The following REV1 variants were observed in gnomAD, a reference collection of about 807,000 sequenced individuals.
The protein encoded by REV1 is translesion synthesis protein REV1.
Under a neutral mutation model 137.4 loss-of-function variants are expected in REV1, and 42 were observed. That is an observed-to-expected ratio of 0.31 (90% CI 0.24 to 0.40). The LOEUF (loss-of-function observed/expected upper bound fraction) is 0.40, where lower values mean the gene tolerates loss of function less well. Among genes scored for constraint, REV1 ranks in the 10% least tolerant of loss-of-function variants. The probability of loss-of-function intolerance (pLI) is 1.00; values close to 1 mark genes in which losing one functional copy is unlikely to be tolerated. For synonymous variants in REV1, 524 were observed against 519.2 expected (o/e 1.01, Z -0.12); for missense variants, 1,282 against 1,490.1 (o/e 0.86, Z 2.30).
chr2:99,421,929 A>C (rs1261459485), intron 10 of REV1, among the ~76,000 whole-genome samples: 3 of 152,240 alleles, frequency 2.0e-5, no homozygotes, highest in Non-Finnish European at 2.9e-5. Context: ...ACACAAAAAA[A>C]CAAAAACACA....
intron 1 of REV1, among the ~76,000 whole-genome samples, chr2:99,479,948 T>C (rs1207848816): frequency 6.6e-6 from 1 of 151,878 alleles, no homozygotes; most frequent in Non-Finnish European, 1.5e-5. Context: ...TTTTACAGGA[T>C]AGAAGGTAGG....
chr2:99,474,331 A>G (rs1317331899), intron 1 of REV1, among the ~76,000 whole-genome samples: 3 of 152,226 alleles, frequency 2.0e-5, no homozygotes, highest in Non-Finnish European at 4.4e-5. Context: ...GTAAGGCTGC[A>G]CTGCTGGCTT....
intron 4 of REV1, among the ~76,000 whole-genome samples, chr2:99,444,379 G>C (rs1681919762): frequency 1.3e-5 from 2 of 152,176 alleles, no homozygotes; most frequent in Admixed American, 1.3e-4. Flanking sequence ...AACGCCCTAT[G>C]ATCATTCTCG....
intron 3 of REV1, 89 bp downstream of exon 3, chr2:99,462,407 A>T: frequency 8.2e-7 from 1 of 1,220,900 alleles, no homozygotes; most frequent in Non-Finnish European, 1.2e-6. Flanking sequence ...TGTCTATAAT[A>T]AATGAGTAAA....
chr2:99,417,203 G>A (rs890864837), intron 12 of REV1, among the ~76,000 whole-genome samples: 4 of 151,910 alleles, frequency 2.6e-5, no homozygotes, highest in Admixed American at 6.6e-5. Context: ...GCAGTGGTGC[G>A]ATCTTGGCTC....
chr2:99,438,821 C>A lies in REV1; in HGVS notation c.993G>T (p.Thr331=), dbSNP rs368812454. The A allele has an allele frequency of 6.2e-7, 1 of 1,614,204 alleles. No individual in the cohort carries two copies. The stretch of plus-strand genomic sequence containing the variant: ...GCACTGAAGGTGCTGCCTTGCTAAA[C>A]GTAGATACTGAAGAAGTGCTTTTTG... ...SSTKSTSSVS[T]FSKAAPSVPS... is the part of the protein sequence containing the mutation. Residue 331 remains threonine (T), a synonymous_variant, in exon 6 of 23, where the codon ACG becomes ACT. Coordinates refer to ENST00000258428, the MANE Select transcript of REV1 (RefSeq NM_016316.4).
intron 5 of REV1, 49 bp downstream of exon 5, chr2:99,442,268 A>C (rs770401117): frequency 2.8e-6 from 4 of 1,428,382 alleles, no homozygotes; most frequent in African/African-American, 1.5e-5. Context: ...AAAAAAAAAA[A>C]AAAAAAAACC....
At chr2:99,404,311 C>T (rs1246871776) in intron 18 of REV1, 133 bp downstream of exon 18, 3 of 688,966 alleles carry the variant, frequency 4.4e-6, no homozygotes, top group Non-Finnish European at 7.4e-6. Context: ...CCACTCTCCC[C>T]TCCCCTCCCC....
At chr2:99,455,891 C>T (rs1236563314) in intron 3 of REV1, among the ~76,000 whole-genome samples, 1 of 152,138 alleles carries the variant, frequency 6.6e-6, no homozygotes, top group South Asian at 2.1e-4. Flanking sequence ...TCCGGGCCCC[C>T]CTCCACCTGC....
At chr2:99,425,628 C>T (rs1679235144) in intron 9 of REV1, among the ~76,000 whole-genome samples, 1 of 151,992 alleles carries the variant, frequency 6.6e-6, no homozygotes, top group South Asian at 2.1e-4. Context: ...TATCAGAAAG[C>T]AGAAAAAAGG....
chr2:99,477,214 G>A (rs906227089), intron 1 of REV1, among the ~76,000 whole-genome samples: 2 of 152,176 alleles, frequency 1.3e-5, no homozygotes, highest in African/African-American at 2.4e-5. Flanking sequence ...CATTTCCCAC[G>A]CTCCTCTCAA....
At chr2:99,403,550 C>A (rs1574964111) in intron 19 of REV1, 145 bp downstream of exon 19, 1 of 970,444 alleles carries the variant, frequency 1.0e-6, no homozygotes, top group East Asian at 2.4e-5. Context: ...TTTACTCATA[C>A]TGTATACTTC....
intron 8 of REV1, among the ~76,000 whole-genome samples, chr2:99,431,545 G>GT (rs1680130615): frequency 6.6e-6 from 1 of 152,206 alleles, no homozygotes; most frequent in Non-Finnish European, 1.5e-5. Context: ...TTTCCAAGGT[G>GT]TAACCATGAG....
intron 4 of REV1, among the ~76,000 whole-genome samples, chr2:99,447,149 GTTAT>G (rs772510549): frequency 2.2e-4 from 34 of 151,240 alleles, no homozygotes; most frequent in Admixed American, 6.6e-4. Flanking sequence ...TATGTAAAAT[GTTAT>G]TTATTTGACT....
intron 4 of REV1, among the ~76,000 whole-genome samples, chr2:99,447,641 C>T (rs1682385606): frequency 6.6e-6 from 1 of 152,112 alleles, no homozygotes; most frequent in South Asian, 2.1e-4. Context: ...ATTTTTATTT[C>T]TCACATAACC....
At chr2:99,478,802 A>T (rs1686261236) in intron 1 of REV1, among the ~76,000 whole-genome samples, 1 of 152,210 alleles carries the variant, frequency 6.6e-6, no homozygotes, top group African/African-American at 2.4e-5. Flanking sequence ...CAGTGAGTCT[A>T]GGGCAGGGCT....
chr2:99,431,586 C>T (rs987937991), intron 8 of REV1, among the ~76,000 whole-genome samples: 13 of 152,096 alleles, frequency 8.5e-5, no homozygotes, highest in Non-Finnish European at 1.5e-5. Context: ...AATTACCTGA[C>T]TTTGGTATCT....
intron 3 of REV1, 101 bp downstream of exon 3, chr2:99,462,395 T>C (rs1161964551): frequency 9.1e-7 from 1 of 1,095,982 alleles, no homozygotes; most frequent in Non-Finnish European, 1.3e-6. Context: ...CTTACAATCA[T>C]TTGTCTATAA....
intron 3 of REV1, among the ~76,000 whole-genome samples, chr2:99,461,171 A>G (rs904332636): frequency 2.6e-5 from 4 of 152,254 alleles, no homozygotes; most frequent in African/African-American, 9.6e-5. Context: ...TTGAGATGAC[A>G]TTCTTGGACT....
Sources: allele counts gnomAD v4.1 joint callset (sites outside exome capture counted in the v4.1 genomes callset), GRCh38; gene constraint gnomAD v4.1.1; transcripts MANE v1.5; gene names NCBI Gene and HGNC (gene_info 2026-07-23, HGNC 2026-07-21).